Variants in SHISA6 observed in about 807,000 individuals in gnomAD.
SHISA6 encodes protein shisa-6.
Under a neutral mutation model 47.9 loss-of-function variants are expected in SHISA6, and 22 were observed. That is an observed-to-expected ratio of 0.46 (90% CI 0.33 to 0.66). SHISA6 has a LOEUF of 0.66. SHISA6 is among the 30% of genes least tolerant of loss of function. The pLI is 0.02. For synonymous variants in SHISA6, 388 were observed against 337.8 expected (o/e 1.15, Z -1.63); for missense variants, 680 against 764.6 (o/e 0.89, Z 1.30).
At chr17:11,292,287 TC>T (rs945834704) in intron 2 of SHISA6, among the ~76,000 whole-genome samples, 32 of 152,060 alleles carry the variant, frequency 2.1e-4, no homozygotes, top group African/African-American at 7.2e-4. Flanking sequence ...CCCTCCCCTT[TC>T]CCCCTACTCT....
chr17:11,449,399 T>C (rs941707858), intron 3 of SHISA6, among the ~76,000 whole-genome samples: 2 of 151,802 alleles, frequency 1.3e-5, no homozygotes, highest in African/African-American at 4.8e-5. Flanking sequence ...GCTGAGATCG[T>C]GCTACTGCAC....
chr17:11,554,385 G>A (rs12601032), intron 4 of SHISA6, among the ~76,000 whole-genome samples: 36,610 of 151,954 alleles, frequency 0.24, 4,887 homozygotes, highest in South Asian at 0.32. Flanking sequence ...CCAGTGTTGG[G>A]GGTGACAATG....
chr17:11,471,909 A>T (rs936246366), intron 3 of SHISA6, among the ~76,000 whole-genome samples: 6 of 152,102 alleles, frequency 3.9e-5, no homozygotes, highest in South Asian at 2.1e-4. Context: ...GTAGTGGTAC[A>T]TTCATTAAAA....
Position 11,241,297 on chromosome 17 carries a change from T to G in SHISA6, c.-126T>G. The stretch of plus-strand genomic sequence containing the variant: ...TGCCGCCCGCGCCTCGATGGCGCCA[T>G]CGCCCCGGAGCCGCTGACCGCTCAG... On this transcript the variant is annotated 5_prime_UTR_variant, in exon 1 of 6. Coordinates refer to ENST00000441885, the MANE Select transcript of SHISA6 (RefSeq NM_207386.4). This position sits in a 1 kb window ranked among gnomAD's most constrained non-coding sequence, Gnocchi z 5.5. 2.0e-6 allele frequency: 1 copy of G among 505,230 alleles called. No individual in the cohort carries two copies. Among genetic ancestry groups the G allele is most frequent in the Non-Finnish European group, 2.5e-6 (1 of 393,002 alleles). 31.3% of individuals were successfully genotyped at this position (505,230 alleles called of 1,614,324 possible).
intron 3 of SHISA6, among the ~76,000 whole-genome samples, chr17:11,539,876 G>A (rs1003128201): frequency 6.6e-6 from 1 of 152,240 alleles, no homozygotes; most frequent in Non-Finnish European, 1.5e-5. Flanking sequence ...AGAGAAGGAG[G>A]AGGGACTGGT....
At chr17:11,400,268 C>G (rs180752198) in intron 3 of SHISA6, among the ~76,000 whole-genome samples, 1 of 152,268 alleles carries the variant, frequency 6.6e-6, no homozygotes, top group East Asian at 1.9e-4. Context: ...AACTGACGTT[C>G]GTTTTCTGCC....
chr17:11,435,048 G>A (rs930592230), intron 3 of SHISA6, among the ~76,000 whole-genome samples: 14 of 152,200 alleles, frequency 9.2e-5, no homozygotes, highest in African/African-American at 2.9e-4. Flanking sequence ...GGTCACAAGC[G>A]TGGGGCCCTA....
intron 3 of SHISA6, among the ~76,000 whole-genome samples, chr17:11,428,114 C>T (rs59411158): frequency 0.019 from 2,916 of 152,332 alleles, 99 homozygotes; most frequent in African/African-American, 0.065. Context: ...GCCCATTTTA[C>T]CCTCTCACAT....
intron 3 of SHISA6, among the ~76,000 whole-genome samples, chr17:11,423,255 A>AT (rs1555534323): frequency 6.2e-5 from 9 of 144,018 alleles, no homozygotes; most frequent in East Asian, 2.0e-4. Flanking sequence ...ATATATATAT[A>AT]ATATATATAT....
chr17:11,500,420 C>G (rs548422343), intron 3 of SHISA6, among the ~76,000 whole-genome samples: 1 of 152,302 alleles, frequency 6.6e-6, no homozygotes, highest in African/African-American at 2.4e-5. Context: ...GGCCTGTGTA[C>G]TCATATAAAG....
chr17:11,323,167 G>T (rs895240995), intron 2 of SHISA6, among the ~76,000 whole-genome samples: 5 of 152,322 alleles, frequency 3.3e-5, no homozygotes, highest in African/African-American at 1.2e-4. Flanking sequence ...AACAGGGTGA[G>T]TTCTTTAAAT....
intron 3 of SHISA6, among the ~76,000 whole-genome samples, chr17:11,428,931 C>G (rs1003414698): frequency 4.4e-4 from 67 of 152,050 alleles, no homozygotes; most frequent in African/African-American, 1.5e-3. Context: ...ACTACAGGCA[C>G]CCACTACCAC....
At chr17:11,520,327 C>T (rs1001890914) in intron 3 of SHISA6, among the ~76,000 whole-genome samples, 1 of 152,196 alleles carries the variant, frequency 6.6e-6, no homozygotes, top group Non-Finnish European at 1.5e-5. Flanking sequence ...AGTAGCATCC[C>T]TAATTTCCTT....
At chr17:11,499,974 T>C (rs2071438432) in intron 3 of SHISA6, among the ~76,000 whole-genome samples, 1 of 152,164 alleles carries the variant, frequency 6.6e-6, no homozygotes, top group Non-Finnish European at 1.5e-5. Flanking sequence ...ACTGCTGGAA[T>C]TACAGGTATG....
intron 3 of SHISA6, among the ~76,000 whole-genome samples, chr17:11,522,512 A>T (rs1358234353): frequency 6.6e-6 from 1 of 152,164 alleles, no homozygotes; most frequent in Non-Finnish European, 1.5e-5. Context: ...GCTGTTTCTG[A>T]CTAATTAGGA....
intron 3 of SHISA6, among the ~76,000 whole-genome samples, chr17:11,399,500 C>T (rs1913690874): frequency 6.6e-6 from 1 of 152,198 alleles, no homozygotes; most frequent in Non-Finnish European, 1.5e-5. Flanking sequence ...CAGCTCACTG[C>T]AACCTCCGCC....
At chr17:11,399,929 T>C (rs1330790415) in intron 3 of SHISA6, among the ~76,000 whole-genome samples, 2 of 152,222 alleles carry the variant, frequency 1.3e-5, no homozygotes, top group Non-Finnish European at 2.9e-5. Flanking sequence ...TTAGTCTTCA[T>C]TCTCCTTGCT....
intron 3 of SHISA6, among the ~76,000 whole-genome samples, chr17:11,518,972 AT>A (rs1456404268): frequency 6.6e-6 from 1 of 152,146 alleles, no homozygotes; most frequent in African/African-American, 2.4e-5. Flanking sequence ...CCATTGAAGT[AT>A]CTCTGTCTGG....
intron 2 of SHISA6, among the ~76,000 whole-genome samples, chr17:11,267,119 C>T (rs1403168122): frequency 6.6e-6 from 1 of 152,142 alleles, no homozygotes; most frequent in Non-Finnish European, 1.5e-5. Flanking sequence ...TCTATAAGAG[C>T]CTTTTACCCC....
Sources: allele counts gnomAD v4.1 joint callset (sites outside exome capture counted in the v4.1 genomes callset), GRCh38; gene constraint gnomAD v4.1.1; non-coding constraint Gnocchi (gnomAD v3.1); transcripts MANE v1.5; gene names NCBI Gene and HGNC (gene_info 2026-07-23, HGNC 2026-07-21).